YAP1: variants seen among roughly 807,000 people sequenced by gnomAD.
YAP1 encodes the protein Yes1 associated transcriptional regulator, also known as transcriptional coactivator YAP1.
In YAP1, 5 loss-of-function variants were observed where a neutral mutation model predicts 56.9. The observed-to-expected ratio is 0.09, with a 90% CI of 0.05 to 0.18. YAP1 has a LOEUF of 0.18. Among genes scored for constraint, YAP1 ranks in the 10% least tolerant of loss-of-function variants. The pLI is 1.00. For missense variants in YAP1, 539 were observed against 651.8 expected (o/e 0.83, Z 1.88); for synonymous variants, 265 against 248.1 (o/e 1.07, Z -0.64).
intron 6 of YAP1, among the ~76,000 whole-genome samples, chr11:102,213,046 C>T (rs540558304): frequency 6.6e-6 from 1 of 152,292 alleles, no homozygotes; most frequent in East Asian, 1.9e-4. Flanking sequence ...CATCAGTGCT[C>T]ACTTGTAAAT....
chr11:102,176,745 CAAAAAAAAAAAAAAAAAAA>C (rs57082707), intron 3 of YAP1, among the ~76,000 whole-genome samples: 1 of 45,480 alleles, frequency 2.2e-5, no homozygotes, highest in Non-Finnish European at 3.8e-5. Flanking sequence ...GACTCCGTCT[CAAAAAAAAAAAAAAAAAAA>C]AAAAAAAAAA....
chr11:102,198,303 G>A (rs914057329), intron 4 of YAP1, among the ~76,000 whole-genome samples: 25 of 152,114 alleles, frequency 1.6e-4, no homozygotes, highest in Non-Finnish European at 1.5e-5. Context: ...TGTCAGCATT[G>A]GCTATTGTCA....
chr11:102,111,832 C>A (rs1251463013), intron 1 of YAP1, among the ~76,000 whole-genome samples: 1 of 151,430 alleles, frequency 6.6e-6, no homozygotes, highest in Non-Finnish European at 1.5e-5. Flanking sequence ...CCTCCCGTTT[C>A]CCCTCCCCCT....
intron 2 of YAP1, among the ~76,000 whole-genome samples, chr11:102,153,921 C>T (rs1005038651): frequency 2.0e-5 from 3 of 151,932 alleles, no homozygotes; most frequent in African/African-American, 7.2e-5. Flanking sequence ...TCATGTAACA[C>T]TAAAGATCCA....
intron 2 of YAP1, among the ~76,000 whole-genome samples, chr11:102,140,949 C>T (rs1175746590): frequency 6.6e-5 from 10 of 152,022 alleles, no homozygotes; most frequent in Admixed American, 6.6e-4. Flanking sequence ...GAGAAATTTT[C>T]TAGTTCTGTT....
chr11:102,148,858 G>A (rs905978598), intron 2 of YAP1, among the ~76,000 whole-genome samples: 1 of 152,058 alleles, frequency 6.6e-6, no homozygotes, highest in Non-Finnish European at 1.5e-5. Flanking sequence ...TCTCATAACC[G>A]ATTGATAACT....
rs541269887 is a variant in YAP1 at position 102,184,580 on chromosome 11, T to C, written c.689-1438T>C. Among the ~76,000 whole-genome samples, 37 of 152,314 alleles carry C rather than the reference T, an allele frequency of 2.4e-4. 1 individual carries two copies. The highest frequency in any genetic ancestry group is 8.9e-4 in the African/African-American group (37 of 41,550). ...ATTTTACCCCATCAAAGTAGACCTTTGAAAATGCAGCTGCAAATTGATCTG... is the reference window on the plus strand; with the variant it reads ...ATTTTACCCCATCAAAGTAGACCTTCGAAAATGCAGCTGCAAATTGATCTG... On this transcript the variant is annotated intron_variant, in intron 3 of 8. Coordinates refer to ENST00000282441, the MANE Select transcript of YAP1 (RefSeq NM_001130145.3).
At chr11:102,210,783 C>T (rs745685674) in intron 6 of YAP1, among the ~76,000 whole-genome samples, 47 of 152,160 alleles carry the variant, frequency 3.1e-4, no homozygotes, top group Middle Eastern at 6.8e-3. Flanking sequence ...GATGGAGTTT[C>T]GCTCTGTTGC....
At chr11:102,144,072 T>G (rs1313760527) in intron 2 of YAP1, among the ~76,000 whole-genome samples, 1 of 152,232 alleles carries the variant, frequency 6.6e-6, no homozygotes, top group African/African-American at 2.4e-5. Flanking sequence ...AGAGACAGGA[T>G]GACCTCCAGG....
intron 3 of YAP1, among the ~76,000 whole-genome samples, chr11:102,170,387 G>GA (rs1318902655): frequency 1.3e-5 from 2 of 152,066 alleles, no homozygotes; most frequent in East Asian, 3.9e-4. Context: ...TGAGTATCAT[G>GA]ATTATCCACA....
At chr11:102,207,281 G>C (rs1026634469) in intron 5 of YAP1, among the ~76,000 whole-genome samples, 10 of 151,972 alleles carry the variant, frequency 6.6e-5, no homozygotes, top group African/African-American at 2.4e-4. Context: ...AGTTTCTTAG[G>C]TTTTTTGTTT....
At chr11:102,141,802 A>G (rs1192333600) in intron 2 of YAP1, among the ~76,000 whole-genome samples, 1 of 152,200 alleles carries the variant, frequency 6.6e-6, no homozygotes, top group Admixed American at 6.5e-5. Context: ...TGGACCCACC[A>G]TTGTGTCTTA....
intron 6 of YAP1, among the ~76,000 whole-genome samples, chr11:102,213,858 A>G (rs948976166): frequency 6.6e-6 from 1 of 152,198 alleles, no homozygotes; most frequent in African/African-American, 2.4e-5. Context: ...CAGGCAAATG[A>G]CCTGAGGTCA....
chr11:102,125,990 TAGGACTGAATACC>T (rs1227650906), intron 2 of YAP1, among the ~76,000 whole-genome samples: 2 of 152,034 alleles, frequency 1.3e-5, no homozygotes, highest in African/African-American at 4.8e-5. Context: ...TGATGGGAGT[TAGGACTGAATACC>T]AGTGTTCTTG....
At chr11:102,226,532 TTGA>T (rs1950205842) in intron 7 of YAP1, among the ~76,000 whole-genome samples, 1 of 152,246 alleles carries the variant, frequency 6.6e-6, no homozygotes, top group African/African-American at 2.4e-5. Flanking sequence ...AACAGCTGCC[TTGA>T]TTTTATGCGT....
At chr11:102,119,619 A>G (rs1331689117) in intron 2 of YAP1, among the ~76,000 whole-genome samples, 1 of 150,202 alleles carries the variant, frequency 6.7e-6, no homozygotes, top group Non-Finnish European at 1.5e-5. Flanking sequence ...ACATCTAGAT[A>G]GCATTTAAAT....
chr11:102,143,966 G>A (rs1168127506), intron 2 of YAP1, among the ~76,000 whole-genome samples: 1 of 152,182 alleles, frequency 6.6e-6, no homozygotes, highest in African/African-American at 2.4e-5. Flanking sequence ...AGATAAAGTG[G>A]CCTTCATCAT....
intron 3 of YAP1, among the ~76,000 whole-genome samples, chr11:102,183,092 A>G (rs17097475): frequency 0.1 from 15,822 of 152,266 alleles, 1,185 homozygotes; most frequent in East Asian, 0.34. Context: ...AGTAATTACA[A>G]TTCTACCTGT....
intron 4 of YAP1, among the ~76,000 whole-genome samples, chr11:102,192,790 A>T (rs1422547518): frequency 6.6e-6 from 1 of 152,210 alleles, no homozygotes; most frequent in African/African-American, 2.4e-5. Context: ...TATTTATTGC[A>T]CCATTTAAGT....
Sources: allele counts gnomAD v4.1 joint callset (sites outside exome capture counted in the v4.1 genomes callset), GRCh38; gene constraint gnomAD v4.1.1; transcripts MANE v1.5; gene names NCBI Gene and HGNC (gene_info 2026-07-23, HGNC 2026-07-21).